SLC8A1: variants seen among roughly 807,000 people sequenced by gnomAD.
The protein encoded by SLC8A1 is solute carrier family 8 member A1.
Under a neutral mutation model 68.3 loss-of-function variants are expected in SLC8A1, and 18 were observed. That is an observed-to-expected ratio of 0.26 (90% CI 0.18 to 0.39). The LOEUF (loss-of-function observed/expected upper bound fraction) is 0.39, where lower values mean the gene tolerates loss of function less well. Ranked by LOEUF, SLC8A1 falls within the 10% of genes least tolerant of loss-of-function variation. The pLI is 1.00. For missense variants in SLC8A1, 985 were observed against 1,156.7 expected (o/e 0.85, Z 2.15); for synonymous variants, 475 against 415.5 (o/e 1.14, Z -1.74).
At chr2:40,183,113 T>C (rs192271504) in intron 2 of SLC8A1, among the ~76,000 whole-genome samples, 3 of 152,252 alleles carry the variant, frequency 2.0e-5, no homozygotes, top group African/African-American at 7.2e-5. Context: ...CTAGAAGTAA[T>C]TCCTACTACC....
In SLC8A1 at chr2:40,347,229, G is replaced by A. The variant is rs375345575; in HGVS notation, c.1808+81244C>T. ...AGCTCACTGCAGCCCCAAACCACTG[G>A]CCTCAAACGATCGTTCCAACCTTGG... On this transcript the variant is annotated intron_variant, in intron 2 of 7. Transcript: ENST00000406785. Among the ~76,000 whole-genome samples, 14 of 152,302 alleles carry A rather than the reference G, an allele frequency of 9.2e-5. No individual in the cohort carries two copies. The East Asian group carries it at 2.3e-3, about 25-fold the overall frequency.
At chr2:40,443,024 C>T (rs1255102795) in intron 1 of SLC8A1, among the ~76,000 whole-genome samples, 3 of 143,336 alleles carry the variant, frequency 2.1e-5, no homozygotes, top group Non-Finnish European at 4.6e-5. Flanking sequence ...AAACACCACA[C>T]GTTCTCACTC....
chr2:40,206,219 C>A (rs188578591), intron 2 of SLC8A1, among the ~76,000 whole-genome samples: 6 of 151,990 alleles, frequency 3.9e-5, no homozygotes, highest in African/African-American at 1.4e-4. Flanking sequence ...TAAGCCTGTG[C>A]CATGACAAAT....
chr2:40,354,329 T>C (rs1672037000), intron 2 of SLC8A1, among the ~76,000 whole-genome samples: 1 of 152,050 alleles, frequency 6.6e-6, no homozygotes, highest in Admixed American at 6.6e-5. Context: ...CTCCCTTAAA[T>C]TTCTGCATTT....
intron 2 of SLC8A1, among the ~76,000 whole-genome samples, chr2:40,203,980 TGCTGG>T (rs1187985299): frequency 1.3e-5 from 2 of 152,036 alleles, no homozygotes; most frequent in Non-Finnish European, 2.9e-5. Context: ...CCTCCCAAAG[TGCTGG>T]GATTATAGGT....
exon 8 of SLC8A1, chr2:40,107,980 A>T (rs1274273165): frequency 6.6e-6 from 1 of 152,248 alleles, no homozygotes; most frequent in African/African-American, 2.4e-5. Context: ...AAGCCAGTGT[A>T]TTAGAAGCCT....
intron 6 of SLC8A1, among the ~76,000 whole-genome samples, chr2:40,150,526 C>T (rs2043224607): frequency 6.6e-6 from 1 of 152,184 alleles, no homozygotes; most frequent in Admixed American, 6.6e-5. Flanking sequence ...ACTGTATTCA[C>T]ATTGCAGCAG....
chr2:40,448,445 T>C (rs1701846974), intron 1 of SLC8A1, among the ~76,000 whole-genome samples: 1 of 152,136 alleles, frequency 6.6e-6, no homozygotes, highest in South Asian at 2.1e-4. Flanking sequence ...TCCCAATGGG[T>C]CAGAAAACAC....
chr2:40,329,058 C>CCA (rs1559264090), intron 2 of SLC8A1, among the ~76,000 whole-genome samples: 1 of 115,260 alleles, frequency 8.7e-6, no homozygotes, highest in Non-Finnish European at 1.7e-5. Flanking sequence ...CACACTACAA[C>CCA]CTCACACACA....
intron 2 of SLC8A1, among the ~76,000 whole-genome samples, chr2:40,207,933 C>T (rs1206333494): frequency 6.6e-6 from 1 of 152,070 alleles, no homozygotes; most frequent in Non-Finnish European, 1.5e-5. Context: ...AAGTATGCTG[C>T]AGCTCTGGGA....
intron 2 of SLC8A1, among the ~76,000 whole-genome samples, chr2:40,319,894 T>C (rs944707681): frequency 6.6e-6 from 1 of 152,144 alleles, no homozygotes; most frequent in Admixed American, 6.6e-5. Context: ...AGCTTACCAA[T>C]GTCGTTATTA....
chr2:40,349,186 T>C (rs984881119), intron 2 of SLC8A1, among the ~76,000 whole-genome samples: 1 of 152,082 alleles, frequency 6.6e-6, no homozygotes, highest in African/African-American at 2.4e-5. Context: ...ACATCACAAA[T>C]GTGGTATAAG....
At chr2:40,347,642 A>G (rs931144760) in intron 2 of SLC8A1, among the ~76,000 whole-genome samples, 5 of 152,226 alleles carry the variant, frequency 3.3e-5, no homozygotes, top group Non-Finnish European at 7.3e-5. Context: ...CTAATTGTCT[A>G]TAACATCTAT....
intron 2 of SLC8A1, among the ~76,000 whole-genome samples, chr2:40,258,064 G>A (rs551935102): frequency 2.0e-5 from 3 of 152,160 alleles, no homozygotes; most frequent in African/African-American, 4.8e-5. Context: ...CCAAACAATT[G>A]TAAGAAAAGC....
At chr2:40,308,045 A>G (rs1189892972) in intron 2 of SLC8A1, among the ~76,000 whole-genome samples, 1 of 152,210 alleles carries the variant, frequency 6.6e-6, no homozygotes, top group Non-Finnish European at 1.5e-5. Flanking sequence ...TATAAATAAA[A>G]GTAAACAAAC....
intron 2 of SLC8A1, among the ~76,000 whole-genome samples, chr2:40,234,271 T>C (rs553875168): frequency 6.6e-6 from 1 of 151,616 alleles, no homozygotes; most frequent in East Asian, 1.9e-4. Context: ...CTCTTTTATT[T>C]CCTTGAGCAG....
At chr2:40,126,617 A>G (rs949542099) in intron 7 of SLC8A1, among the ~76,000 whole-genome samples, 1 of 152,082 alleles carries the variant, frequency 6.6e-6, no homozygotes, top group African/African-American at 2.4e-5. Flanking sequence ...GAGTAAATCT[A>G]GGGGTGGGGT....
intron 2 of SLC8A1, among the ~76,000 whole-genome samples, chr2:40,191,654 A>G (rs1023717486): frequency 1.3e-5 from 2 of 152,216 alleles, no homozygotes; most frequent in Non-Finnish European, 2.9e-5. Context: ...TGGACCAAAC[A>G]GTGAGAAAGT....
intron 2 of SLC8A1, among the ~76,000 whole-genome samples, chr2:40,247,602 T>C (rs2062061067): frequency 6.6e-6 from 1 of 152,222 alleles, no homozygotes; most frequent in Admixed American, 6.5e-5. Flanking sequence ...TTAGCTGTAT[T>C]GGCCTATGTT....
Sources: allele counts gnomAD v4.1 joint callset (sites outside exome capture counted in the v4.1 genomes callset), GRCh38; gene constraint gnomAD v4.1.1; transcripts MANE v1.5; gene names NCBI Gene and HGNC (gene_info 2026-07-23, HGNC 2026-07-21).